PCDHGB7: variants seen among roughly 807,000 people sequenced by gnomAD.
The protein encoded by PCDHGB7 is protocadherin gamma-B7.
Under a neutral mutation model 61.4 loss-of-function variants are expected in PCDHGB7, and 37 were observed. The observed-to-expected ratio is 0.60, with a 90% confidence interval of 0.46 to 0.79. PCDHGB7 has a LOEUF of 0.79. PCDHGB7 is among the 30% of genes least tolerant of loss of function. The pLI, the probability that PCDHGB7 is intolerant of heterozygous loss-of-function variation, is 0.00. For missense variants in PCDHGB7, 1,166 were observed against 1,202.5 expected, an observed-to-expected ratio of 0.97 and a Z score of 0.45; for synonymous variants, 464 against 503.5, an observed-to-expected ratio of 0.92 and a Z score of 1.05.
intron 2 of PCDHGB7, among the ~76,000 whole-genome samples, chr5:141,497,553 T>G (rs2099777684): frequency 6.6e-6 from 1 of 151,326 alleles, no homozygotes; most frequent in Non-Finnish European, 1.5e-5. Flanking sequence ...TTTTTTTTTT[T>G]TTTTTAGACA....
intron 1 of PCDHGB7, among the ~76,000 whole-genome samples, chr5:141,445,738 T>G (rs553879167): frequency 9.9e-5 from 15 of 152,122 alleles, no homozygotes; most frequent in Non-Finnish European, 1.9e-4. Context: ...AAAGATCTTT[T>G]TAAAAAATAA....
intron 1 of PCDHGB7, chr5:141,423,620 C>G: frequency 6.2e-7 from 1 of 1,608,268 alleles, no homozygotes; most frequent in Non-Finnish European, 8.5e-7. Flanking sequence ...GCTGAAGACT[C>G]AGCTATCATT....
At chr5:141,500,411 G>A (rs376320602) in intron 2 of PCDHGB7, among the ~76,000 whole-genome samples, 4 of 151,592 alleles carry the variant, frequency 2.6e-5, no homozygotes, top group East Asian at 2.0e-4. Context: ...GGGTTTCACC[G>A]TGTTAGCCAG....
rs1467125550 is a variant in PCDHGB7 at position 141,511,799 on chromosome 5, T to G, written c.*626T>G. 6.4e-6 allele frequency: 1 copy of G among 157,228 alleles called. No homozygotes were observed. The highest frequency in any genetic ancestry group is 1.4e-5 in the Non-Finnish European group (1 of 70,874). 9.7% of individuals were successfully genotyped at this position (157,228 alleles called of 1,614,324 possible). ...TGCTTGCTGGATTTAGGGAGGGCAT[T>G]TTGCTACCAAGCCTCTTCCCAACGC... On this transcript the variant is annotated 3_prime_UTR_variant, in exon 4 of 4. Coordinates refer to ENST00000398594, the MANE Select transcript of PCDHGB7 (RefSeq NM_018927.4).
At chr5:141,492,495 G>A (rs750427038) in intron 1 of PCDHGB7, among the ~76,000 whole-genome samples, 65 of 152,186 alleles carry the variant, frequency 4.3e-4, no homozygotes, top group Non-Finnish European at 6.0e-4. Context: ...ACCAGGCGAG[G>A]ACTCCGGAGC....
intron 2 of PCDHGB7, among the ~76,000 whole-genome samples, chr5:141,498,795 T>C (rs2099785702): frequency 6.6e-6 from 1 of 152,032 alleles, no homozygotes; most frequent in Admixed American, 6.6e-5. Context: ...TAGCCAGGTG[T>C]GGTGGTGCAC....
At position 141,417,821 on chromosome 5, in the gene PCDHGB7, A is replaced by C; in HGVS notation, c.-39A>C. On this transcript the variant is annotated 5_prime_UTR_variant, in exon 1 of 4. Coordinates refer to ENST00000398594, the MANE Select transcript of PCDHGB7 (RefSeq NM_018927.4). ...AGCGCGGTAGAGTGCACTTTCTCCA[A>C]CTGGAAAAGCGGGGACCCAGCGAGA... The C allele has an allele frequency of 2.0e-6, 3 of 1,515,060 alleles. No individual in the cohort carries two copies. Among genetic ancestry groups the C allele is most frequent in the Non-Finnish European group, 1.8e-6 (2 of 1,128,904 alleles). 93.9% of individuals were successfully genotyped at this position (1,515,060 alleles called of 1,614,324 possible).
At chr5:141,496,928 G>A (rs2099772685) in intron 2 of PCDHGB7, among the ~76,000 whole-genome samples, 1 of 151,334 alleles carries the variant, frequency 6.6e-6, no homozygotes, top group Non-Finnish European at 1.5e-5. Context: ...GTTCACGCCT[G>A]TAATCCCAGC....
intron 1 of PCDHGB7, among the ~76,000 whole-genome samples, chr5:141,454,239 A>T (rs1221886368): frequency 6.6e-6 from 1 of 152,200 alleles, no homozygotes; most frequent in Non-Finnish European, 1.5e-5. Context: ...GATGAAAAGG[A>T]TGAAGATGTC....
At chr5:141,504,643 G>A (rs1049421626) in intron 2 of PCDHGB7, among the ~76,000 whole-genome samples, 3 of 124,276 alleles carry the variant, frequency 2.4e-5, no homozygotes, top group African/African-American at 9.0e-5. Flanking sequence ...AAGGTTTGAT[G>A]ATAGAGTGTT....
At chr5:141,450,364 T>G (rs2098678485) in intron 1 of PCDHGB7, among the ~76,000 whole-genome samples, 1 of 152,188 alleles carries the variant, frequency 6.6e-6, no homozygotes, top group Admixed American at 6.5e-5. Flanking sequence ...TCCTCAGCCT[T>G]GTTTGTTTAT....
chr5:141,495,529 C>T (rs1466269939), intron 2 of PCDHGB7, among the ~76,000 whole-genome samples: 1 of 152,210 alleles, frequency 6.6e-6, no homozygotes, highest in African/African-American at 2.4e-5. Flanking sequence ...ACCTCTCAGT[C>T]CTTCCCTCAG....
chr5:141,480,719 A>G (rs1455113968), intron 1 of PCDHGB7, among the ~76,000 whole-genome samples: 1 of 152,194 alleles, frequency 6.6e-6, no homozygotes, highest in Non-Finnish European at 1.5e-5. Flanking sequence ...ATGAAAGCAC[A>G]GTCTCTGGGG....
At chr5:141,492,026 G>T in intron 1 of PCDHGB7, 1 of 567,198 alleles carries the variant, frequency 1.8e-6, no homozygotes, top group Non-Finnish European at 3.0e-6. Flanking sequence ...GGGGTCCCGG[G>T]AGGAGGCAGT....
At chr5:141,443,790 T>A (rs1178101439) in intron 1 of PCDHGB7, among the ~76,000 whole-genome samples, 2 of 151,832 alleles carry the variant, frequency 1.3e-5, no homozygotes, top group Admixed American at 6.6e-5. Flanking sequence ...ACAAAAAAAA[T>A]GAAAAGGAAA....
chr5:141,433,837 C>CAAAAAA (rs56191208), intron 1 of PCDHGB7, among the ~76,000 whole-genome samples: 2 of 111,692 alleles, frequency 1.8e-5, no homozygotes, highest in Non-Finnish European at 3.9e-5. Context: ...AACTCTATCT[C>CAAAAAA]AAAAAAAAAA....
At chr5:141,462,100 G>T (rs1202526885) in intron 1 of PCDHGB7, among the ~76,000 whole-genome samples, 1 of 152,164 alleles carries the variant, frequency 6.6e-6, no homozygotes, top group Non-Finnish European at 1.5e-5. Flanking sequence ...TGGGATTACA[G>T]GCATGAGCCA....
chr5:141,434,621 G>A (rs980508411), intron 1 of PCDHGB7, among the ~76,000 whole-genome samples: 1 of 151,966 alleles, frequency 6.6e-6, no homozygotes, highest in Non-Finnish European at 1.5e-5. Flanking sequence ...CCATCTCTTC[G>A]TTTCCCATAA....
rs1228771998 is a variant in PCDHGB7 at position 141,477,832 on chromosome 5, A to G, written c.2416-16975A>G. The stretch of plus-strand genomic sequence containing the variant: ...CCCCCCAGGTCCTATATCCTCGGCC[A>G]GGTGGGAGCTCGGTGGAGATGCTGC... On this transcript the variant is annotated intron_variant, in intron 1 of 3. Transcript: ENST00000398594. This position sits in a 1 kb window ranked among gnomAD's most constrained non-coding sequence, Gnocchi z 4.9. 1.2e-6 allele frequency: 2 copies of G among 1,614,166 alleles called. No homozygotes were observed. Among genetic ancestry groups the G allele is most frequent in the South Asian group, 1.1e-5 (1 of 91,086 alleles).
Sources: allele counts gnomAD v4.1 joint callset (sites outside exome capture counted in the v4.1 genomes callset), GRCh38; gene constraint gnomAD v4.1.1; non-coding constraint Gnocchi (gnomAD v3.1); transcripts MANE v1.5; gene names NCBI Gene and HGNC (gene_info 2026-07-23, HGNC 2026-07-21).